Variants in DDX56 observed in about 807,000 individuals in gnomAD.
DDX56 encodes DEAD-box helicase 56, also known as probable ATP-dependent RNA helicase DDX56.
In DDX56, 45 loss-of-function variants were observed where a neutral mutation model predicts 61.5. That is an observed-to-expected ratio of 0.73 (90% confidence interval 0.58 to 0.94). DDX56 has a LOEUF of 0.94. Ranked by LOEUF, DDX56 falls within the 40% of genes least tolerant of loss-of-function variation. The pLI, the probability that DDX56 is intolerant of heterozygous loss-of-function variation, is 0.00. For synonymous variants in DDX56, 273 were observed against 268.3 expected (o/e 1.02, Z -0.17); for missense variants, 708 against 690.7 (o/e 1.02, Z -0.28).
rs1476359016 is a variant in DDX56, at chr7:44,573,729, C to T, written c.76G>A (p.Gly26Ser). 6.2e-7 allele frequency: 1 copy of T among 1,613,606 alleles called. No homozygotes were observed. Among genetic ancestry groups the T allele is most frequent in the Non-Finnish European group, 8.5e-7 (1 of 1,179,996 alleles). The stretch of plus-strand genomic sequence containing the variant: ...TGGATCAGCGTAGGTCGCGACCAGC[C>T]CAGATCGGTGACAGCCTAGGAGACC... ...PRLLQAVTDL[G>S]WSRPTLIQEK... Residue 26 changes from glycine (G) to serine (S), a missense_variant, in exon 2 of 14, where the codon GGC becomes AGC. Gly to Ser is a moderately conservative substitution (Grantham distance 56). Transcript: ENST00000258772.
intron 13 of DDX56, 155 bp from the exon 14 acceptor site, chr7:44,566,234 G>A (rs1802532028): frequency 2.9e-6 from 2 of 682,474 alleles, no homozygotes; most frequent in Non-Finnish European, 5.1e-6. Context: ...GGGAAAGGCA[G>A]CTGGGGAAAG....
At chr7:44,571,305 C>T (rs895707356) in intron 6 of DDX56, among the ~76,000 whole-genome samples, 187 bp downstream of exon 6, 1 of 152,216 alleles carries the variant, frequency 6.6e-6, no homozygotes, top group Non-Finnish European at 1.5e-5. Flanking sequence ...TCCCAAAGTG[C>T]TGAGATTACA....
chr7:44,568,911 T>C lies in DDX56; in HGVS notation c.1375A>G (p.Lys459Glu), dbSNP rs1157295705. 3.1e-6 allele frequency: 5 copies of C among 1,613,826 alleles called. No individual in the cohort carries two copies. The highest frequency in any genetic ancestry group is 1.7e-4 in the Middle Eastern group (1 of 6,060). ...EIKEELLHSE[K>E]LKTYFEDNPR... Reference sequence around the variant, plus strand: ...ACCTCCCATCCACTCACCTTAAGCTTCTCAGAATGCAGAAGCTCTTCCTTG... The same window carrying C: ...ACCTCCCATCCACTCACCTTAAGCTCCTCAGAATGCAGAAGCTCTTCCTTG... The change falls in exon 11 of 14, where the codon AAG becomes GAG. Residue 459 changes from lysine to glutamate, a missense_variant. Physicochemically the swap from Lys to Glu is moderately conservative, Grantham distance 56. Transcript: ENST00000258772.
At chr7:44,569,660 A>G (rs560890728) in intron 9 of DDX56, 149 bp downstream of exon 9, 227 of 700,132 alleles carry the variant, frequency 3.2e-4, no homozygotes, top group Non-Finnish European at 5.0e-4. Context: ...CAAGGGGGAC[A>G]GTGCCTGCCA....
chr7:44,567,751 GGTGGCTCTCTCTGCCTCCTGCCC>G (rs1313604387), intron 12 of DDX56: 3 of 333,338 alleles, frequency 9.0e-6, no homozygotes, highest in Non-Finnish European at 1.7e-5. Context: ...TTGCAGCACA[GGTGGCTCTCTCTGCCTCCTGCCC>G]GTGACTCTCT....
chr7:44,570,802 G>C lies in DDX56; in HGVS notation c.966C>G (p.Ala322=), dbSNP rs765816437. The C allele has an allele frequency of 1.2e-6, 2 of 1,613,846 alleles. No individual in the cohort carries two copies. Among genetic ancestry groups the C allele is most frequent in the Non-Finnish European group, 1.7e-6 (2 of 1,179,774 alleles). Residue 322 remains alanine (A), a synonymous_variant, in exon 7 of 14, where the codon GCC becomes GCG. Coordinates refer to ENST00000258772, the MANE Select transcript of DDX56 (RefSeq NM_019082.4). The part of the protein sequence containing the change: ...VIATDAEVLG[A]PVKGKRRGRG... Reference sequence around the variant, plus strand: ...GGCCCCGACGCTTGCCCTTGACTGGGGCCCCCAGGACTTCAGCATCAGTTG... The same window carrying C: ...GGCCCCGACGCTTGCCCTTGACTGGCGCCCCCAGGACTTCAGCATCAGTTG...
At position 44,568,220 on chromosome 7, in the gene DDX56, A is replaced by G; in HGVS notation, c.1387T>C (p.Tyr463His). The G allele has an allele frequency of 1.2e-6, 2 of 1,607,046 alleles. No individual in the cohort carries two copies. Among genetic ancestry groups the G allele is most frequent in the Non-Finnish European group, 1.7e-6 (2 of 1,174,944 alleles). Residue 463 changes from tyrosine (Y) to histidine (H), a missense_variant, in exon 12 of 14, where the codon TAC becomes CAC. By Grantham distance (83) the Tyr-to-His change is moderately conservative. Transcript: ENST00000258772. ...ELLHSEKLKT[Y>H]FEDNPRDLQL... ...AGGTCCCTAGGGTTGTCTTCAAAGTATGTCTGCCGGGGGAAGAGGGAGAGC... is the reference window on the plus strand; with the variant it reads ...AGGTCCCTAGGGTTGTCTTCAAAGTGTGTCTGCCGGGGGAAGAGGGAGAGC...
rs1376622738 is a variant in DDX56, at chr7:44,572,868, C to G, written c.383+22G>C. ...AACACTGTGTAGCTTCATTCAGGTA[C>G]AGCTTTGCTGCTTTTACCCACCTCT... On this transcript the variant is annotated intron_variant, in intron 3 of 13. Coordinates refer to ENST00000258772, the MANE Select transcript of DDX56 (RefSeq NM_019082.4). 5 of 1,583,740 alleles carry G rather than the reference C, an allele frequency of 3.2e-6. No individual in the cohort carries two copies. The South Asian group carries it at 4.6e-5, about 15-fold the overall frequency.
In DDX56 at chr7:44,572,902, G is replaced by A. The variant is rs776084561; in HGVS notation, c.371C>T (p.Ser124Leu). ...TGCTTTTACCCACCTCTGAGAGACT[G>A]AGTCTTCAGCAGCTGAGACATTGGC... The part of the protein sequence containing the change: ...RVANVSAAED[S>L]VSQRAVLMEK... Residue 124 changes from serine (S) to leucine (L), a missense_variant, in exon 3 of 14, where the codon TCA (serine) becomes TTA (leucine). Transcript: ENST00000258772. 3 of 1,592,066 alleles carry A rather than the reference G, an allele frequency of 1.9e-6. No individual in the cohort carries two copies.
intron 11 of DDX56, 96 bp downstream of exon 11, chr7:44,568,807 G>A: frequency 9.7e-7 from 1 of 1,028,358 alleles, no homozygotes; most frequent in Non-Finnish European, 1.5e-6. Context: ...CCAGAAAACT[G>A]CCCAGTTCTC....
chr7:44,572,367 C>T lies in DDX56; in HGVS notation c.625G>A (p.Glu209Lys), dbSNP rs1243999578. ...CTTACCGGGTTATGTAATATCAGCT[C>T]CTTGAGTGCTTGTACGTCCTCGTTA... The part of the protein sequence containing the change: ...TFNEDVQALK[E>K]LILHNPVTLK... The change falls in exon 5 of 14, where the codon GAG (glutamate) becomes AAG (lysine). Residue 209 changes from glutamate to lysine, a missense_variant. Coordinates refer to ENST00000258772, the MANE Select transcript of DDX56 (RefSeq NM_019082.4). 6.2e-7 allele frequency: 1 copy of T among 1,613,946 alleles called. No individual in the cohort carries two copies. Among genetic ancestry groups the T allele is most frequent in the Non-Finnish European group, 8.5e-7 (1 of 1,179,994 alleles).
chr7:44,567,775 G>T, intron 12 of DDX56: 2 of 333,940 alleles, frequency 6.0e-6, no homozygotes, highest in Non-Finnish European at 1.1e-5. Flanking sequence ...CCTCCTGCCC[G>T]TGACTCTCTC....
intron 5 of DDX56, among the ~76,000 whole-genome samples, 167 bp from the exon 6 acceptor site, chr7:44,571,903 C>T (rs937076559): frequency 1.3e-5 from 2 of 152,164 alleles, no homozygotes; most frequent in Admixed American, 1.3e-4. Flanking sequence ...CCCCAAAATG[C>T]CCTTATTGTT....
chr7:44,569,204 C>G lies in DDX56; in HGVS notation c.1220-1G>C. 6.2e-7 allele frequency: 1 copy of G among 1,613,700 alleles called. No individual in the cohort carries two copies. The highest frequency in any genetic ancestry group is 8.5e-7 in the Non-Finnish European group (1 of 1,179,988). ...GGGAGCAGAATGGGGCCCCTGTTCT[C>G]TGTGGAGAAGAAAGCAGCGAGGGTC... On this transcript the variant is annotated splice_acceptor_variant, in intron 9 of 13. Transcript: ENST00000258772. LOFTEE classifies it high-confidence loss of function.
intron 9 of DDX56, 92 bp downstream of exon 9, chr7:44,569,717 T>C (rs1802624804): frequency 2.6e-6 from 3 of 1,148,016 alleles, no homozygotes; most frequent in Admixed American, 2.1e-5. Context: ...TGTCACACTA[T>C]GTTGTGACCT....
chr7:44,566,672 G>A (rs1802545471), intron 12 of DDX56, 148 bp from the exon 13 acceptor site: 1 of 576,628 alleles, frequency 1.7e-6, no homozygotes, highest in African/African-American at 1.9e-5. Flanking sequence ...CACAGGGCCA[G>A]GAGAATGTGA....
chr7:44,568,285 A>G, intron 11 of DDX56, 62 bp from the exon 12 acceptor site: 1 of 1,216,258 alleles, frequency 8.2e-7, no homozygotes, highest in South Asian at 1.4e-5. Context: ...TCACAGACCT[A>G]GCTTTTCAAA....
At chr7:44,569,297 C>G in intron 9 of DDX56, 94 bp from the exon 10 acceptor site, 1 of 1,191,056 alleles carries the variant, frequency 8.4e-7, no homozygotes, top group Non-Finnish European at 1.2e-6. Flanking sequence ...TGGGGGAAAG[C>G]AGCAGGGGAC....
chr7:44,569,094 T>A, intron 10 of DDX56, 36 bp downstream of exon 10: 1 of 1,612,520 alleles, frequency 6.2e-7, no homozygotes, highest in South Asian at 1.1e-5. Context: ...CCACAGCCCC[T>A]CCCCTCTCAT....
Sources: allele counts gnomAD v4.1 joint callset (sites outside exome capture counted in the v4.1 genomes callset), GRCh38; gene constraint gnomAD v4.1.1; transcripts MANE v1.5; gene names NCBI Gene and HGNC (gene_info 2026-07-23, HGNC 2026-07-21).